Variants in EPHA7 observed in about 807,000 individuals in gnomAD.
The protein encoded by EPHA7 is ephrin type-A receptor 7.
EPHA7 carries 25 observed loss-of-function variants against 112.6 expected under a neutral mutation model. The ratio of observed to expected loss-of-function variants is 0.22; its 90% CI spans 0.16 to 0.31. The LOEUF (loss-of-function observed/expected upper bound fraction) is 0.31. Among genes scored for constraint, EPHA7 ranks in the 10% least tolerant of loss-of-function variants. The pLI, the probability that EPHA7 is intolerant of heterozygous loss-of-function variation, is 1.00. For synonymous variants in EPHA7, 437 were observed against 406.5 expected, an observed-to-expected ratio of 1.07 and a Z score of -0.90; for missense variants, 962 against 1,212.6, an observed-to-expected ratio of 0.79 and a Z score of 3.07.
At chr6:93,308,353 T>C (rs538773628) in intron 5 of EPHA7, among the ~76,000 whole-genome samples, 80 of 152,236 alleles carry the variant, frequency 5.3e-4, no homozygotes, top group African/African-American at 1.8e-3. Flanking sequence ...AAAATATATC[T>C]TATTATTTTT....
intron 3 of EPHA7, among the ~76,000 whole-genome samples, chr6:93,403,979 T>C (rs1778562439): frequency 6.6e-6 from 1 of 152,108 alleles, no homozygotes; most frequent in African/African-American, 2.4e-5. Context: ...TGAGACATCG[T>C]AGAAATATCT....
At position 93,269,725 on chromosome 6, in the gene EPHA7, G is replaced by A. The variant is rs992044613; in HGVS notation, c.1450-65C>T. On this transcript the variant is annotated intron_variant, in intron 6 of 16. Transcript: ENST00000369303. ...CAACCAGACAATTTGACAGCCAACT[G>A]TTTCAATTTAATTCAATTTGCTCCA... 9.3e-6 allele frequency: 12 copies of A among 1,296,566 alleles called. No homozygotes were observed. In the Admixed American group the frequency reaches 2.9e-4, roughly 31 times the overall value. The allele number at this position is 1,296,566 out of a possible 1,614,324, so 80.3% of individuals were successfully genotyped here.
chr6:93,362,217 C>T (rs1776296215), intron 3 of EPHA7, among the ~76,000 whole-genome samples: 1 of 151,652 alleles, frequency 6.6e-6, no homozygotes, highest in Non-Finnish European at 1.5e-5. Context: ...AATGCAAAAC[C>T]ACCAAAGAAA....
intron 5 of EPHA7, among the ~76,000 whole-genome samples, chr6:93,282,689 C>T (rs370733427): frequency 3.4e-4 from 52 of 152,182 alleles, no homozygotes; most frequent in Middle Eastern, 3.4e-3. Context: ...ACAGCGCTTG[C>T]GGGCCAGCGC....
intron 5 of EPHA7, among the ~76,000 whole-genome samples, chr6:93,342,973 G>A (rs1775216253): frequency 6.6e-6 from 1 of 151,528 alleles, no homozygotes; most frequent in South Asian, 2.1e-4. Flanking sequence ...GATGGCATAT[G>A]GAATTCACAA....
intron 11 of EPHA7, 89 bp downstream of exon 11, chr6:93,258,010 A>G: frequency 8.0e-7 from 1 of 1,245,360 alleles, no homozygotes; most frequent in Admixed American, 2.1e-5. Context: ...TGTGCAACAT[A>G]TTTCATAATT....
At chr6:93,304,976 C>T (rs1773177882) in intron 5 of EPHA7, among the ~76,000 whole-genome samples, 1 of 152,038 alleles carries the variant, frequency 6.6e-6, no homozygotes. Context: ...CTCACCACCC[C>T]ATTTCTACTT....
chr6:93,387,241 A>G (rs1293353465), intron 3 of EPHA7, among the ~76,000 whole-genome samples: 2 of 151,972 alleles, frequency 1.3e-5, no homozygotes, highest in East Asian at 1.9e-4. Context: ...AGTTCCACCA[A>G]TCTCTAGGGC....
intron 5 of EPHA7, among the ~76,000 whole-genome samples, chr6:93,293,762 C>T (rs1772505578): frequency 6.6e-6 from 1 of 152,124 alleles, no homozygotes; most frequent in African/African-American, 2.4e-5. Context: ...TTTCAATTTC[C>T]TTGGAAGACA....
intron 5 of EPHA7, among the ~76,000 whole-genome samples, chr6:93,313,977 T>C (rs164290): frequency 0.39 from 58,552 of 151,842 alleles, 12,127 homozygotes; most frequent in African/African-American, 0.54. Context: ...TTATCTTTTC[T>C]ACTCCTGTGG....
intron 5 of EPHA7, among the ~76,000 whole-genome samples, chr6:93,344,058 C>T (rs1272295026): frequency 6.6e-6 from 1 of 151,430 alleles, no homozygotes; most frequent in Non-Finnish European, 1.5e-5. Context: ...TTGGCAAGTA[C>T]ATGATATGGG....
intron 5 of EPHA7, among the ~76,000 whole-genome samples, chr6:93,351,687 C>A (rs164539): frequency 0.43 from 65,273 of 151,582 alleles, 15,347 homozygotes; most frequent in African/African-American, 0.61. Flanking sequence ...CAAATCTCTC[C>A]GTTGCCTATG....
At chr6:93,302,432 C>T (rs1454801358) in intron 5 of EPHA7, among the ~76,000 whole-genome samples, 1 of 152,010 alleles carries the variant, frequency 6.6e-6, no homozygotes, top group Non-Finnish European at 1.5e-5. Context: ...TAGCCTAGAC[C>T]TCATCATTAC....
In EPHA7 at chr6:93,330,814, C is replaced by T. The variant is rs1176763567; in HGVS notation, c.1324+25903G>A. On this transcript the variant is annotated intron_variant, in intron 5 of 16. Coordinates refer to ENST00000369303, the MANE Select transcript of EPHA7 (RefSeq NM_004440.4). ...AAAGTTATTTATCCAAGCCAATCAA[C>T]AGCATTTTCTCCAAGGGCAAAATAT... Among the ~76,000 whole-genome samples the T allele has an allele frequency of 2.6e-5, 4 of 151,418 alleles. No individual in the cohort carries two copies. The Admixed American group carries it at 2.6e-4, about 10-fold the overall frequency.
intron 3 of EPHA7, among the ~76,000 whole-genome samples, chr6:93,403,219 C>T (rs1778514547): frequency 6.6e-6 from 1 of 151,940 alleles, no homozygotes; most frequent in Non-Finnish European, 1.5e-5. Context: ...TTTAAATTCA[C>T]TGAATTAAAT....
intron 5 of EPHA7, among the ~76,000 whole-genome samples, chr6:93,344,189 T>C (rs1775277951): frequency 6.6e-6 from 1 of 151,652 alleles, no homozygotes; most frequent in Non-Finnish European, 1.5e-5. Flanking sequence ...AGTCCTTTGA[T>C]GTTATAGCAT....
intron 3 of EPHA7, among the ~76,000 whole-genome samples, chr6:93,360,428 C>T (rs1776203219): frequency 6.6e-6 from 1 of 152,086 alleles, no homozygotes; most frequent in Non-Finnish European, 1.5e-5. Context: ...CCAAAGTAGA[C>T]ATACAGACAA....
intron 5 of EPHA7, among the ~76,000 whole-genome samples, chr6:93,283,039 G>A (rs1205580078): frequency 2.0e-5 from 3 of 152,220 alleles, no homozygotes; most frequent in East Asian, 1.9e-4. Flanking sequence ...GCCCCGGTGC[G>A]GGATCCATTG....
Position 93,240,224 on chromosome 6 carries a change from C to A in EPHA7, c.*3202G>T, listed in dbSNP as rs746036615. ...AACCAACGAAAAGCACATCTCGCCC[C>A]GAGTTCCCCATGATTTCTCCACATA... On this transcript the variant is annotated 3_prime_UTR_variant, in exon 17 of 17. Transcript: ENST00000369303. 9.0e-6 allele frequency: 2 copies of A among 223,226 alleles called. No homozygotes were observed. The highest frequency in any genetic ancestry group is 4.5e-5 in the African/African-American group (2 of 44,834). The allele number at this position is 223,226 out of a possible 1,614,324, so 13.8% of individuals were successfully genotyped here.
Sources: allele counts gnomAD v4.1 joint callset (sites outside exome capture counted in the v4.1 genomes callset), GRCh38; gene constraint gnomAD v4.1.1; transcripts MANE v1.5; gene names NCBI Gene and HGNC (gene_info 2026-07-23, HGNC 2026-07-21).